LAMA1: variants seen among roughly 807,000 people sequenced by gnomAD.
LAMA1 encodes the protein laminin subunit alpha 1.
A neutral mutation model predicts 348.7 loss-of-function variants in LAMA1; 219 were observed. The observed-to-expected ratio is 0.63, with a 90% confidence interval of 0.56 to 0.70. The LOEUF (loss-of-function observed/expected upper bound fraction) is 0.70. Ranked by LOEUF, LAMA1 falls within the 30% of genes least tolerant of loss-of-function variation. The probability of loss-of-function intolerance (pLI) is 0.00; values close to 1 mark genes in which losing one functional copy is unlikely to be tolerated. For missense variants in LAMA1, 3,744 were observed against 3,888.0 expected, an observed-to-expected ratio of 0.96 and a Z score of 0.99; for synonymous variants, 1,487 against 1,491.0, an observed-to-expected ratio of 1.00 and a Z score of 0.06.
At chr18:7,108,187 T>C (rs2058321593) in intron 1 of LAMA1, among the ~76,000 whole-genome samples, 1 of 150,248 alleles carries the variant, frequency 6.7e-6, no homozygotes, top group Admixed American at 6.6e-5. Flanking sequence ...AATACAAAAA[T>C]TAGCCAGGCA....
chr18:6,985,495 CTG>C (rs764706738), intron 38 of LAMA1, 30 bp downstream of exon 38: 1 of 1,610,072 alleles, frequency 6.2e-7, no homozygotes, highest in South Asian at 1.1e-5. Context: ...TCTTTAAAAA[CTG>C]TACTGTGGCT....
chr18:6,988,808 T>TAA (rs1169877701), intron 36 of LAMA1, among the ~76,000 whole-genome samples: 36,464 of 100,256 alleles, frequency 0.36, 7,015 homozygotes, highest in East Asian at 0.63. Flanking sequence ...TCCGTCTCAA[T>TAA]AAAAAAAAAA....
intron 1 of LAMA1, among the ~76,000 whole-genome samples, chr18:7,099,875 G>A (rs9965234): frequency 0.021 from 3,214 of 151,790 alleles, 89 homozygotes; most frequent in African/African-American, 0.073. Context: ...TGGCTAACAC[G>A]GTGAAACCCC....
chr18:6,961,951 T>C lies in LAMA1; in HGVS notation c.7446A>G (p.Leu2482=), dbSNP rs145257845. Residue 2482 remains leucine (L), a synonymous_variant, in exon 52 of 63, where the codon TTA becomes TTG. Coordinates refer to ENST00000389658, the MANE Select transcript of LAMA1 (RefSeq NM_005559.4). ...TAATAACAATGTTTCCTACCTCCAG[T>C]AAACAGCCTTTTCTCACTCCATAGG... ...RNSYGVRKGC[L]LEPIRSVSFL... 2.8e-4 allele frequency: 450 copies of C among 1,612,390 alleles called. 1 individual carries two copies. In the African/African-American group the frequency reaches 4.9e-3, roughly 17 times the overall value.
At position 6,977,981 on chromosome 18, in the gene LAMA1, C is replaced by A. The variant is rs1335551309; in HGVS notation, c.6191-100G>T. ...AACAATGCACTTGGTAAAACAACAC[C>A]CTAACAATCAAAGCCATGACATTGT... On this transcript the variant is annotated intron_variant, in intron 43 of 62. Coordinates refer to ENST00000389658, the MANE Select transcript of LAMA1 (RefSeq NM_005559.4). The A allele has an allele frequency of 1.1e-5, 15 of 1,366,658 alleles. No individual in the cohort carries two copies. The East Asian group carries it at 3.5e-4, about 32-fold the overall frequency. 84.7% of individuals were successfully genotyped at this position (1,366,658 alleles called of 1,614,324 possible).
chr18:6,986,124 A>T lies in LAMA1; in HGVS notation c.5379+13T>A. ...CTGTTCTAATTGAGAAGGAGAGAGC[A>T]AGTGAGACTCACACTGAATTCTCTC... On this transcript the variant is annotated intron_variant, in intron 37 of 62. Coordinates refer to ENST00000389658, the MANE Select transcript of LAMA1 (RefSeq NM_005559.4). The T allele has an allele frequency of 6.2e-7, 1 of 1,613,836 alleles. No homozygotes were observed. The highest frequency in any genetic ancestry group is 8.5e-7 in the Non-Finnish European group (1 of 1,179,704).
intron 1 of LAMA1, 76 bp downstream of exon 1, chr18:7,117,584 G>T: frequency 1.3e-6 from 2 of 1,490,824 alleles, no homozygotes; most frequent in Non-Finnish European, 1.8e-6. Context: ...GCCCCAACGC[G>T]ACGGGCTTTG....
intron 47 of LAMA1, 115 bp downstream of exon 47, chr18:6,972,942 T>G: frequency 8.8e-7 from 1 of 1,132,538 alleles, no homozygotes; most frequent in Non-Finnish European, 1.3e-6. Flanking sequence ...CTGCCCACCT[T>G]GGCCTCCCAA....
chr18:7,035,427 A>ATT lies in LAMA1; in HGVS notation c.1839+558_1839+559dup, dbSNP rs35171103. On this transcript the variant is annotated intron_variant, in intron 13 of 62. Coordinates refer to ENST00000389658, the MANE Select transcript of LAMA1 (RefSeq NM_005559.4). ...AAAATTTGTCTCCTTTTTACTTAAA[A>ATT]TTTTTTTTTTTTTGAGATAGGCTCT... Among the ~76,000 whole-genome samples the ATT allele has an allele frequency of 3.4e-3, 508 of 148,062 alleles. 5 individuals are homozygous for ATT. Among genetic ancestry groups the ATT allele is most frequent in the African/African-American group, 0.012 (476 of 40,716 alleles).
Position 6,973,159 on chromosome 18 carries a change from T to C in LAMA1, c.6672A>G (p.Gln2224=). The change falls in exon 47 of 63, where the codon CAA becomes CAG. Residue 2224 remains glutamine, a synonymous_variant. Coordinates refer to ENST00000389658, the MANE Select transcript of LAMA1 (RefSeq NM_005559.4). ...ATTTACTTGTTTTTGTTGGTGACTT[T>C]TGATTTGAGCTCATTTCCTTTACAC... ...SLSVKEMSSN[Q]KSPTKTSKSP... is the part of the protein sequence containing the mutation. 3 of 1,614,242 alleles carry C rather than the reference T, an allele frequency of 1.9e-6. No homozygotes were observed. The highest frequency in any genetic ancestry group is 1.3e-5 in the African/African-American group (1 of 75,072).
intron 17 of LAMA1, among the ~76,000 whole-genome samples, chr18:7,024,837 C>T (rs2057935287): frequency 6.6e-6 from 1 of 152,212 alleles, no homozygotes; most frequent in African/African-American, 2.4e-5. Flanking sequence ...CTGGGTTCCC[C>T]AGCTCGGGTT....
chr18:6,985,994 A>AGG, intron 37 of LAMA1, 143 bp downstream of exon 37: 1 of 850,818 alleles, frequency 1.2e-6, no homozygotes, highest in South Asian at 1.4e-5. Context: ...TCTTGACCTC[A>AGG]TGATCTGCCT....
chr18:6,968,359 G>A (rs1267498125), intron 48 of LAMA1, among the ~76,000 whole-genome samples: 3 of 152,136 alleles, frequency 2.0e-5, no homozygotes, highest in African/African-American at 2.4e-5. Context: ...GCCGTCATGC[G>A]AGGGCATGAG....
At chr18:7,039,053 G>C in intron 10 of LAMA1, 103 bp from the exon 11 acceptor site, 1 of 922,482 alleles carries the variant, frequency 1.1e-6, no homozygotes, top group East Asian at 2.4e-5. Context: ...ACAGAGACAG[G>C]TGAATAAACG....
chr18:6,962,973 C>A (rs1170042245), intron 51 of LAMA1, among the ~76,000 whole-genome samples: 3 of 152,110 alleles, frequency 2.0e-5, no homozygotes, highest in Admixed American at 2.0e-4. Flanking sequence ...ATATGGAGAC[C>A]ACTGAACATC....
intron 1 of LAMA1, among the ~76,000 whole-genome samples, chr18:7,112,309 A>G (rs1306488134): frequency 6.6e-6 from 1 of 152,196 alleles, no homozygotes; most frequent in African/African-American, 2.4e-5. Flanking sequence ...CACAAGGTCC[A>G]GTAAAGAAGT....
At chr18:6,954,960 CGGG>C in intron 57 of LAMA1, 1 of 328,980 alleles carries the variant, frequency 3.0e-6, no homozygotes, top group South Asian at 2.6e-5. Context: ...GTGTGGCACT[CGGG>C]ATTTTGGCCA....
chr18:7,000,805 C>A (rs192883100), intron 30 of LAMA1, among the ~76,000 whole-genome samples: 2 of 152,082 alleles, frequency 1.3e-5, no homozygotes, highest in Non-Finnish European at 2.9e-5. Context: ...AGTTATCAGC[C>A]CCATACCACT....
intron 19 of LAMA1, among the ~76,000 whole-genome samples, chr18:7,020,728 C>T (rs113336833): frequency 2.0e-5 from 3 of 152,176 alleles, no homozygotes; most frequent in Non-Finnish European, 4.4e-5. Context: ...ACCTATTTTA[C>T]GTCTTCTCTT....
Sources: gnomAD v4.1 joint callset for allele counts (sites outside exome capture counted in the v4.1 genomes callset) on GRCh38, gnomAD v4.1.1 for gene constraint, MANE v1.5 for transcripts, NCBI Gene and HGNC (gene_info 2026-07-23, HGNC 2026-07-21) for gene names.